The following VLDLR variants were observed in gnomAD, a reference collection of about 807,000 sequenced individuals.
VLDLR encodes the protein very low density lipoprotein receptor, also known as very low-density lipoprotein receptor.
VLDLR carries 81 observed loss-of-function variants against 112.7 expected under a neutral mutation model. That is an observed-to-expected ratio of 0.72 (90% CI 0.60 to 0.86). The LOEUF is 0.86. VLDLR is among the 40% of genes least tolerant of loss of function. The probability of loss-of-function intolerance (pLI) is 0.00; values close to 1 mark genes in which losing one functional copy is unlikely to be tolerated. For synonymous variants in VLDLR, 436 were observed against 384.8 expected, an observed-to-expected ratio of 1.13 and a Z score of -1.56; for missense variants, 1,237 against 1,099.4, an observed-to-expected ratio of 1.13 and a Z score of -1.77.
intron 2 of VLDLR, 105 bp from the exon 3 acceptor site, chr9:2,639,753 CT>C (rs928020819): frequency 1.6e-5 from 25 of 1,571,892 alleles, no homozygotes; most frequent in Middle Eastern, 1.7e-4. Flanking sequence ...ATTGACTCAG[CT>C]TTTTTTTAGA....
chr9:2,650,024 G>A (rs1209887158), intron 14 of VLDLR, among the ~76,000 whole-genome samples: 1 of 152,208 alleles, frequency 6.6e-6, no homozygotes, highest in African/African-American at 2.4e-5. Context: ...AGGAGAACAT[G>A]CCTAGTCTCC....
intron 3 of VLDLR, among the ~76,000 whole-genome samples, chr9:2,641,136 T>C (rs1265995938): frequency 6.6e-6 from 1 of 152,204 alleles, no homozygotes; most frequent in Non-Finnish European, 1.5e-5. Flanking sequence ...GAGCACGCCA[T>C]GGGACCTTGA....
Position 2,644,627 on chromosome 9 carries a change from G to A in VLDLR, c.1067-107G>A, listed in dbSNP as rs372480293. On this transcript the variant is annotated intron_variant, in intron 7 of 18. Transcript: ENST00000382100. ...TGATTAGGTCTTAGACAAATCGTGG[G>A]TTTGACCAGGCCAACTAGATAAGTT... 8.1e-6 allele frequency: 12 copies of A among 1,487,566 alleles called. No individual in the cohort carries two copies. The East Asian group carries it at 1.4e-4, about 17-fold the overall frequency. The allele number at this position is 1,487,566 out of a possible 1,614,324, so 92.1% of individuals were successfully genotyped here.
Position 2,657,399 on chromosome 9 carries a change from C to G in VLDLR, c.*3531C>G, listed in dbSNP as rs956732544. On this transcript the variant is annotated 3_prime_UTR_variant, in exon 19 of 19. Transcript: ENST00000382100. ...TAATCTTGATCCCCAAATCTGAGCC[C>G]TTCAGTTTCATAATTGTTTTATCCT... The G allele has an allele frequency of 6.6e-6, 1 of 152,178 alleles. No homozygotes were observed. Among genetic ancestry groups the G allele is most frequent in the African/African-American group, 2.4e-5 (1 of 41,446 alleles). The allele number at this position is 152,178 out of a possible 1,614,324, so 9.4% of individuals were successfully genotyped here.
chr9:2,630,602 G>C (rs966427263), intron 1 of VLDLR, among the ~76,000 whole-genome samples: 5 of 152,164 alleles, frequency 3.3e-5, no homozygotes, highest in African/African-American at 1.2e-4. Flanking sequence ...AGGGAGATTT[G>C]TAGTCCGTTT....
rs773398189 is a variant in VLDLR at position 2,648,816 on chromosome 9, G to T, written c.2104+6G>T. Reference sequence around the variant, plus strand: ...TGAACTTGTACAGCCATCAGGTACCGTGGAGAAGCACAGTCCTTAATAACT... The same window carrying T: ...TGAACTTGTACAGCCATCAGGTACCTTGGAGAAGCACAGTCCTTAATAACT... On this transcript the variant is annotated splice_donor_region_variant and intron_variant, in intron 14 of 18. Coordinates refer to ENST00000382100, the MANE Select transcript of VLDLR (RefSeq NM_003383.5). 5.0e-6 allele frequency: 8 copies of T among 1,613,994 alleles called. No individual in the cohort carries two copies. The highest frequency in any genetic ancestry group is 5.9e-6 in the Non-Finnish European group (7 of 1,180,012).
intron 4 of VLDLR, among the ~76,000 whole-genome samples, chr9:2,642,665 C>G (rs915855736): frequency 6.6e-6 from 1 of 152,178 alleles, no homozygotes; most frequent in Admixed American, 6.5e-5. Context: ...ACTTGTTATT[C>G]CTGATCCTTA....
At position 2,653,939 on chromosome 9, in the gene VLDLR, C is replaced by T. The variant is rs1003301427; in HGVS notation, c.*71C>T. On this transcript the variant is annotated 3_prime_UTR_variant, in exon 19 of 19. Coordinates refer to ENST00000382100, the MANE Select transcript of VLDLR (RefSeq NM_003383.5). ...CCCGTCGGAATGGTAACCGAGCCAGCAGCTGAAGTCTCTTTTTCTTCCTCT... is the reference window on the plus strand; with the variant it reads ...CCCGTCGGAATGGTAACCGAGCCAGTAGCTGAAGTCTCTTTTTCTTCCTCT... 2.6e-6 allele frequency: 4 copies of T among 1,510,072 alleles called. No homozygotes were observed. The highest frequency in any genetic ancestry group is 3.7e-6 in the Non-Finnish European group (4 of 1,085,904). 93.5% of individuals were successfully genotyped at this position (1,510,072 alleles called of 1,614,324 possible).
In VLDLR at chr9:2,647,350, G is replaced by A; in HGVS notation, c.1704-124G>A. 13 of 761,688 alleles carry A rather than the reference G, an allele frequency of 1.7e-5. No individual in the cohort carries two copies. In the South Asian group the frequency reaches 1.9e-4, roughly 11 times the overall value. The allele number at this position is 761,688 out of a possible 1,614,324, so 47.2% of individuals were successfully genotyped here. A position where few individuals can be genotyped will look rare whatever the true frequency, so the allele number is the denominator to read the frequency against. ...TAGAACATAATTTAGACCCTTAAGT[G>A]TTACTATTTGTCACTAGAGAATGCC... On this transcript the variant is annotated intron_variant, in intron 11 of 18. Transcript: ENST00000382100.
chr9:2,642,590 T>C (rs1817877217), intron 4 of VLDLR, among the ~76,000 whole-genome samples: 1 of 152,248 alleles, frequency 6.6e-6, no homozygotes, highest in South Asian at 2.1e-4. Flanking sequence ...ATTGTCAGCA[T>C]ACCTGATTGT....
At chr9:2,629,814 G>T (rs565086636) in intron 1 of VLDLR, among the ~76,000 whole-genome samples, 5 of 152,026 alleles carry the variant, frequency 3.3e-5, no homozygotes, top group African/African-American at 9.7e-5. Context: ...GTTTGTTTTC[G>T]AGATGGAGTT....
In VLDLR at chr9:2,645,760, CTT is replaced by C. The variant is rs750435738; in HGVS notation, c.1484+18_1484+19del. ...GCTATCTTCAGGTAACTTTCAGTTCCTTTTGTGGTGTCTTGACATAAGTCATT... is the reference window on the plus strand; with the variant it reads ...GCTATCTTCAGGTAACTTTCAGTTCCTTGTGGTGTCTTGACATAAGTCATT... On this transcript the variant is annotated intron_variant, in intron 10 of 18. Transcript: ENST00000382100. The C allele has an allele frequency of 6.2e-7, 1 of 1,614,000 alleles. No individual in the cohort carries two copies. Among genetic ancestry groups the C allele is most frequent in the Admixed American group, 1.7e-5 (1 of 60,018 alleles).
chr9:2,652,892 G>T lies in VLDLR; in HGVS notation c.2529G>T (p.Glu843Asp). 1 of 1,614,024 alleles carries T rather than the reference G, an allele frequency of 6.2e-7. No individual in the cohort carries two copies. The highest frequency in any genetic ancestry group is 1.7e-5 in the Admixed American group (1 of 60,000). The change falls in exon 18 of 19, where the codon GAG becomes GAT. Residue 843 changes from glutamate to aspartate, a missense_variant. Coordinates refer to ENST00000382100, the MANE Select transcript of VLDLR (RefSeq NM_003383.5). ...DNPVYLKTTE[E>D]DLSIDIGRHS... is the part of the protein sequence containing the mutation. ...CTGTGTACTTGAAAACCACTGAAGA[G>T]GACCTCTCCATAGACATTGGTAGAC...
chr9:2,637,018 A>G (rs35538967), intron 2 of VLDLR, among the ~76,000 whole-genome samples: 276 of 152,312 alleles, frequency 1.8e-3, no homozygotes, highest in Admixed American at 2.1e-3. Flanking sequence ...TACTAGCCAC[A>G]TGGTAGGAGA....
At chr9:2,653,640 C>G (rs1818458555) in intron 18 of VLDLR, among the ~76,000 whole-genome samples, 193 bp from the exon 19 acceptor site, 1 of 152,156 alleles carries the variant, frequency 6.6e-6, no homozygotes, top group African/African-American at 2.4e-5. Flanking sequence ...ATCTCACTAC[C>G]AAGCAGGTAT....
At chr9:2,645,868 GA>G in intron 10 of VLDLR, 123 bp downstream of exon 10, 1 of 1,105,670 alleles carries the variant, frequency 9.0e-7, no homozygotes. Flanking sequence ...ATTACCTGGG[GA>G]CATTAAATCT....
At chr9:2,642,202 T>C (rs543995654) in intron 4 of VLDLR, among the ~76,000 whole-genome samples, 118 of 152,304 alleles carry the variant, frequency 7.7e-4, no homozygotes, top group Non-Finnish European at 1.2e-3. Context: ...GTGCTTTGAA[T>C]GTTCTTTCAA....
In VLDLR at chr9:2,654,153, G is replaced by T; in HGVS notation, c.*285G>T. 2.2e-6 allele frequency: 1 copy of T among 447,636 alleles called. No individual in the cohort carries two copies. The highest frequency in any genetic ancestry group is 2.1e-5 in the South Asian group (1 of 47,050). The allele number at this position is 447,636 out of a possible 1,614,324, so 27.7% of individuals were successfully genotyped here. A position where few individuals can be genotyped will look rare whatever the true frequency, so the allele number is the denominator to read the frequency against. Reference sequence around the variant, plus strand: ...GCCAAATATGCACTTTCCCTAGAAAGCCATATTCCAGCAGTGAAACTTGTG... The same window carrying T: ...GCCAAATATGCACTTTCCCTAGAAATCCATATTCCAGCAGTGAAACTTGTG... On this transcript the variant is annotated 3_prime_UTR_variant, in exon 19 of 19. Coordinates refer to ENST00000382100, the MANE Select transcript of VLDLR (RefSeq NM_003383.5).
Position 2,652,809 on chromosome 9 carries a change from T to C in VLDLR, c.2446T>C (p.Tyr816His). The change falls in exon 18 of 19, where the codon TAC becomes CAC. Residue 816 changes from tyrosine to histidine, a missense_variant. Tyr to His is a moderately conservative substitution (Grantham distance 83, BLOSUM62 2). Coordinates refer to ENST00000382100, the MANE Select transcript of VLDLR (RefSeq NM_003383.5). The stretch of plus-strand genomic sequence containing the variant: ...CTTAGTGATGGCAGCAGTAGGTGGC[T>C]ACTTGATGTGGCGGAATTGGCAACA... The part of the protein sequence containing the change: ...LLLVMAAVGG[Y>H]LMWRNWQHKN... The C allele has an allele frequency of 6.2e-7, 1 of 1,614,188 alleles. No individual in the cohort carries two copies. Among genetic ancestry groups the C allele is most frequent in the Non-Finnish European group, 8.5e-7 (1 of 1,180,006 alleles).
Sources: gnomAD v4.1 joint callset for allele counts (sites outside exome capture counted in the v4.1 genomes callset) on GRCh38, gnomAD v4.1.1 for gene constraint, MANE v1.5 for transcripts, NCBI Gene and HGNC (gene_info 2026-07-23, HGNC 2026-07-21) for gene names.